The following SH3KBP1 variants were observed in gnomAD, a reference collection of about 807,000 sequenced individuals.
SH3KBP1 encodes SH3 domain-containing kinase-binding protein 1.
SH3KBP1 carries 8 observed loss-of-function variants against 50.1 expected under a neutral mutation model. The ratio of observed to expected loss-of-function variants is 0.16; its 90% confidence interval spans 0.09 to 0.29. SH3KBP1 has a LOEUF of 0.29. Ranked by LOEUF, SH3KBP1 falls within the 10% of genes least tolerant of loss-of-function variation. The pLI is 1.00. For synonymous variants in SH3KBP1, 227 were observed against 218.6 expected (o/e 1.04, Z -0.34); for missense variants, 377 against 535.2 (o/e 0.70, Z 2.92).
chrX:19,786,384 T>A (rs1403600668), intron 2 of SH3KBP1, among the ~76,000 whole-genome samples: 1 of 111,855 alleles, frequency 8.9e-6, no homozygotes, highest in African/African-American at 3.3e-5. Flanking sequence ...AAGGGGTTCA[T>A]TAGACCAGCC....
chrX:19,795,252 T>A (rs761880125), intron 2 of SH3KBP1, among the ~76,000 whole-genome samples: 1 of 111,985 alleles, frequency 8.9e-6, no homozygotes, highest in South Asian at 3.7e-4. Flanking sequence ...TTGCCAAGAA[T>A]TAAGCATTTT....
intron 1 of SH3KBP1, among the ~76,000 whole-genome samples, chrX:19,837,529 C>T (rs773492045): frequency 1.1e-5 from 1 of 91,306 alleles, no homozygotes; most frequent in Non-Finnish European, 2.1e-5. Flanking sequence ...ACTGCAGTGG[C>T]GCAATCTCAG....
In SH3KBP1 at chrX:19,569,122, C is replaced by T. The variant is rs2065931589; in HGVS notation, c.1365G>A (p.Ser455=). ...ACTCACCAATGTCATTGCTGCGGTC[C>T]GAGAGATCTTTGTCCAGGATGCCAG... ...SLSGILDKDL[S]DRSNDIDLEG... The change falls in exon 13 of 18, where the codon TCG becomes TCA. Residue 455 remains serine (S), a synonymous_variant. Transcript: ENST00000397821. 11 of 1,209,073 alleles carry T rather than the reference C, an allele frequency of 9.1e-6. No homozygotes were observed. The highest frequency in any genetic ancestry group is 1.7e-5 in the African/African-American group (1 of 57,349).
intron 2 of SH3KBP1, among the ~76,000 whole-genome samples, chrX:19,755,876 C>T (rs1328084620): frequency 9.0e-6 from 1 of 111,284 alleles, no homozygotes; most frequent in South Asian, 3.7e-4. Flanking sequence ...TTCTGATTAC[C>T]GCTGCATGCA....
intron 2 of SH3KBP1, among the ~76,000 whole-genome samples, chrX:19,817,216 G>T (rs2067383115): frequency 9.0e-6 from 1 of 111,666 alleles, no homozygotes; most frequent in Non-Finnish European, 1.9e-5. Context: ...TTCCTATTTT[G>T]CTCTTCTTTT....
At chrX:19,543,459 GA>G (rs1392586314) in intron 15 of SH3KBP1, among the ~76,000 whole-genome samples, 1 of 111,777 alleles carries the variant, frequency 8.9e-6, no homozygotes, top group Non-Finnish European at 1.9e-5. Flanking sequence ...ATGCGTGGGT[GA>G]AGGGTGCTGA....
At chrX:19,746,175 T>C (rs1160740669) in intron 3 of SH3KBP1, 143 bp downstream of exon 3, 1 of 599,588 alleles carries the variant, frequency 1.7e-6, no homozygotes, top group Non-Finnish European at 2.6e-6. Flanking sequence ...CAAGTATGTA[T>C]GTGTGTATCC....
chrX:19,735,730 G>GT (rs1199638065), intron 3 of SH3KBP1, among the ~76,000 whole-genome samples: 2 of 73,091 alleles, frequency 2.7e-5, no homozygotes, highest in South Asian at 1.3e-3. Flanking sequence ...TTGGCGGGGG[G>GT]GGGGGGTGGG....
chrX:19,689,551 G>T (rs1475030198), intron 5 of SH3KBP1, among the ~76,000 whole-genome samples: 1 of 111,931 alleles, frequency 8.9e-6, no homozygotes, highest in African/African-American at 3.2e-5. Flanking sequence ...CTGTGCATTG[G>T]CAGCAAGGCA....
At chrX:19,855,337 C>A (rs906406621) in intron 1 of SH3KBP1, among the ~76,000 whole-genome samples, 5 of 111,651 alleles carry the variant, frequency 4.5e-5, no homozygotes, top group African/African-American at 1.6e-4. Flanking sequence ...TTGGTGGGAC[C>A]AATGTTCCAC....
intron 2 of SH3KBP1, among the ~76,000 whole-genome samples, chrX:19,773,988 T>C (rs1035159593): frequency 1.8e-5 from 2 of 108,977 alleles, no homozygotes; most frequent in African/African-American, 6.7e-5. Context: ...AAGAAGCTCA[T>C]GTCCTGAGAA....
At chrX:19,549,577 C>T (rs748196101) in intron 14 of SH3KBP1, among the ~76,000 whole-genome samples, 3 of 111,442 alleles carry the variant, frequency 2.7e-5, no homozygotes, top group South Asian at 7.6e-4. Context: ...TGCTGCCTGG[C>T]GCTATATAGG....
At chrX:19,790,643 G>A (rs2066502776) in intron 2 of SH3KBP1, among the ~76,000 whole-genome samples, 1 of 110,977 alleles carries the variant, frequency 9.0e-6, no homozygotes, top group African/African-American at 3.3e-5. Flanking sequence ...AGGACAGTGT[G>A]AAAAAAAGTC....
intron 8 of SH3KBP1, among the ~76,000 whole-genome samples, chrX:19,619,790 T>A (rs2067748606): frequency 8.9e-6 from 1 of 111,865 alleles, no homozygotes; most frequent in Non-Finnish European, 1.9e-5. Flanking sequence ...TCAAAAAAAA[T>A]AAATAAATAC....
intron 6 of SH3KBP1, among the ~76,000 whole-genome samples, chrX:19,668,118 T>C (rs1390860279): frequency 9.0e-6 from 1 of 111,184 alleles, no homozygotes; most frequent in Non-Finnish European, 1.9e-5. Flanking sequence ...GGTCCCATAG[T>C]ACATTAAGTT....
intron 8 of SH3KBP1, among the ~76,000 whole-genome samples, chrX:19,612,350 T>C (rs758230649): frequency 1.5e-3 from 164 of 111,501 alleles, no homozygotes; most frequent in Non-Finnish European, 9.8e-4. Context: ...GCAACCTCTG[T>C]CTCCCAGGTT....
chrX:19,851,090 C>T (rs2068496080), intron 1 of SH3KBP1, among the ~76,000 whole-genome samples: 1 of 111,401 alleles, frequency 9.0e-6, no homozygotes, highest in Non-Finnish European at 1.9e-5. Flanking sequence ...CCAGGTGACT[C>T]TATGTACCCC....
At chrX:19,839,435 C>T (rs750787057) in intron 1 of SH3KBP1, among the ~76,000 whole-genome samples, 26 of 108,486 alleles carry the variant, frequency 2.4e-4, no homozygotes, top group Non-Finnish European at 4.0e-4. Context: ...CTCCCAGGCT[C>T]AAGTGTTCCT....
chrX:19,838,616 C>T (rs1433685491), intron 1 of SH3KBP1, among the ~76,000 whole-genome samples: 2 of 111,748 alleles, frequency 1.8e-5, no homozygotes, highest in Admixed American at 9.5e-5. Flanking sequence ...TGGCCGGGCA[C>T]GGTGGCTCAT....
Sources: allele counts gnomAD v4.1 joint callset (sites outside exome capture counted in the v4.1 genomes callset), GRCh38; gene constraint gnomAD v4.1.1; transcripts MANE v1.5; gene names NCBI Gene and HGNC (gene_info 2026-07-23, HGNC 2026-07-21).